The following MAN2C1 variants were observed in gnomAD, a reference collection of about 807,000 sequenced individuals.
MAN2C1 encodes alpha-mannosidase 2C1.
A neutral mutation model predicts 126.9 loss-of-function variants in MAN2C1; 111 were observed. That is an observed-to-expected ratio of 0.87 (90% CI 0.75 to 1.02). The LOEUF (loss-of-function observed/expected upper bound fraction) is 1.02. Among genes scored for constraint, MAN2C1 ranks in the 50% least tolerant of loss-of-function variants. MAN2C1 has a pLI of 0.00. For missense variants in MAN2C1, 1,363 were observed against 1,364.4 expected, an observed-to-expected ratio of 1.00 and a Z score of 0.02; for synonymous variants, 567 against 561.5, an observed-to-expected ratio of 1.01 and a Z score of -0.14.
In MAN2C1 at chr15:75,360,677, G is replaced by A; in HGVS notation, c.1472C>T (p.Ser491Phe). ...TGCTGAGAAGAGCTGTCTTGGAGAA[G>A]ATAGCTGCACCCTGAGGAGACCACA... ...NTDGLPRVQL[S>F]SPRQLFSALE... Residue 491 changes from serine to phenylalanine, a missense_variant, in exon 13 of 26, where the codon TCT becomes TTT. Transcript: ENST00000267978. 1 of 1,613,664 alleles carries A rather than the reference G, an allele frequency of 6.2e-7. No individual in the cohort carries two copies. The highest frequency in any genetic ancestry group is 8.5e-7 in the Non-Finnish European group (1 of 1,179,988).
chr15:75,358,804 C>A lies in MAN2C1; in HGVS notation c.2146G>T (p.Ala716Ser). Residue 716 changes from alanine (A) to serine (S), a missense_variant, in exon 19 of 26, where the codon GCC becomes TCC. Physicochemically the swap from Ala to Ser is moderately conservative, Grantham distance 99 (BLOSUM62 1). This residue lies in a region of MAN2C1 where 668 missense variants were observed against 650.1 expected (regional missense o/e 1.03). Coordinates refer to ENST00000267978, the MANE Select transcript of MAN2C1 (RefSeq NM_006715.4). The stretch of plus-strand genomic sequence containing the variant: ...TTCCCCACGGCGCCCTCAGCAATGG[C>A]CTCCCTGGAAGGACATGGGATTGGT... ...SLVLVASGRE[A>S]IAEGAVGNQF... 1 of 1,612,334 alleles carries A rather than the reference C, an allele frequency of 6.2e-7. No individual in the cohort carries two copies. The highest frequency in any genetic ancestry group is 1.1e-5 in the South Asian group (1 of 90,812).
rs1438386507 is a variant in MAN2C1, at chr15:75,362,805, C to T, written c.791-57G>A. The T allele has an allele frequency of 6.8e-7, 1 of 1,480,286 alleles. No homozygotes were observed. The highest frequency in any genetic ancestry group is 9.4e-7 in the Non-Finnish European group (1 of 1,062,956). The allele number at this position is 1,480,286 out of a possible 1,614,324, so 91.7% of individuals were successfully genotyped here. A position where few individuals can be genotyped will look rare whatever the true frequency, so the allele number is the denominator to read the frequency against. On this transcript the variant is annotated intron_variant, in intron 6 of 25. Transcript: ENST00000267978. This position sits in a 1 kb window ranked among gnomAD's most constrained non-coding sequence, Gnocchi z 4.5. Reference sequence around the variant, plus strand: ...AGCAGCAAGGCTGACCAGGCCTGGGCTGGGACTCCAGAGGGTCACCTAGCC... The same window carrying T: ...AGCAGCAAGGCTGACCAGGCCTGGGTTGGGACTCCAGAGGGTCACCTAGCC...
chr15:75,361,737 T>C lies in MAN2C1; in HGVS notation c.1102-17A>G. Reference sequence around the variant, plus strand: ...CAGCCAGAACTGTGGAGAAAGAGGATCCTGGAGTGCAGGAACCAGAGCTCC... The same window carrying C: ...CAGCCAGAACTGTGGAGAAAGAGGACCCTGGAGTGCAGGAACCAGAGCTCC... On this transcript the variant is annotated splice_polypyrimidine_tract_variant and intron_variant, in intron 9 of 25. Transcript: ENST00000267978. This position sits in a 1 kb window ranked among gnomAD's most constrained non-coding sequence, Gnocchi z 5.0. 6.2e-7 allele frequency: 1 copy of C among 1,608,248 alleles called. No individual in the cohort carries two copies. The highest frequency in any genetic ancestry group is 8.5e-7 in the Non-Finnish European group (1 of 1,174,902).
rs1365353094 is a variant in MAN2C1 at position 75,359,631 on chromosome 15, G to A, written c.1937C>T (p.Ala646Val). 6.2e-7 allele frequency: 1 copy of A among 1,613,984 alleles called. No individual in the cohort carries two copies. Among genetic ancestry groups the A allele is most frequent in the Admixed American group, 1.7e-5 (1 of 60,010 alleles). ...EVMALPKPGG[A>V]HSLALVTVPS... is the part of the protein sequence containing the mutation. ...CCCTCAGCTCGTACCTAGGCTGTGG[G>A]CCCCGCCCGGTTTGGGCAGGGCCAT... The change falls in exon 16 of 26, where the codon GCC (alanine) becomes GTC (valine). Residue 646 changes from alanine (A) to valine (V), a missense_variant. Around this residue, in one of 3 missense-constraint regions of MAN2C1, gnomAD observed 668 missense variants for 650.1 expected, o/e 1.03. Transcript: ENST00000267978.
Position 75,356,016 on chromosome 15 carries a change from G to C in MAN2C1, c.3013C>G (p.Arg1005Gly), listed in dbSNP as rs758917954. 4 of 1,613,804 alleles carry C rather than the reference G, an allele frequency of 2.5e-6. No individual in the cohort carries two copies. The African/African-American group carries it at 5.3e-5, about 22-fold the overall frequency. The change falls in exon 26 of 26, where the codon CGA becomes GGA. Residue 1005 changes from arginine (R) to glycine (G), a missense_variant. By Grantham distance (125) the Arg-to-Gly change is moderately radical. Around this residue, in one of 3 missense-constraint regions of MAN2C1, gnomAD observed 668 missense variants for 650.1 expected, o/e 1.03. Transcript: ENST00000267978. The surrounding 1 kb of genome is among the most constrained non-coding windows in gnomAD (Gnocchi z 5.8). ...GTCAAGTGGCCAGCAGGGTCTGGTC[G>C]CTCCAAGAGATCGCAGCTGGAGAAC... ...QEAILCDLLE[R>G]PDPAGHLTLR...
chr15:75,367,378 G>A, intron 3 of MAN2C1, 133 bp downstream of exon 3: 2 of 1,193,780 alleles, frequency 1.7e-6, no homozygotes, highest in East Asian at 2.4e-5. Flanking sequence ...AACTTCCCTA[G>A]TCCTGAAATC....
At chr15:75,360,902 G>C in intron 12 of MAN2C1, 144 bp downstream of exon 12, 1 of 1,250,118 alleles carries the variant, frequency 8.0e-7, no homozygotes, top group Non-Finnish European at 1.1e-6. Context: ...CCCACCCCCA[G>C]GGTGGAAGTT....
intron 15 of MAN2C1, 52 bp downstream of exon 15, chr15:75,359,851 T>A: frequency 6.2e-7 from 1 of 1,612,176 alleles, no homozygotes; most frequent in Non-Finnish European, 8.5e-7. Flanking sequence ...GGGGACACTC[T>A]GGGCTCAGCC....
In MAN2C1 at chr15:75,364,115, G is replaced by A. The variant is rs1227190304; in HGVS notation, c.674C>T (p.Pro225Leu). ...CACTGGGAAGGTCTCGGGCTGGGCA[G>A]GGTCACACACGTTCACCATCTGATT... ...TANQMVNVCD[P>L]AQPETFPVAQ... The change falls in exon 6 of 26, where the codon CCT becomes CTT. Residue 225 changes from proline to leucine, a missense_variant. Around this residue, in one of 3 missense-constraint regions of MAN2C1, gnomAD observed 628 missense variants for 609.8 expected, o/e 1.03. Coordinates refer to ENST00000267978, the MANE Select transcript of MAN2C1 (RefSeq NM_006715.4). 5 of 1,614,116 alleles carry A rather than the reference G, an allele frequency of 3.1e-6. No homozygotes were observed. In the South Asian group the frequency reaches 3.3e-5, roughly 11 times the overall value.
chr15:75,366,614 G>C (rs769485719), intron 3 of MAN2C1, 22 bp from the exon 4 acceptor site: 1 of 1,585,706 alleles, frequency 6.3e-7, no homozygotes, highest in Non-Finnish European at 8.6e-7. Flanking sequence ...GGGAGTGAGA[G>C]AGACAAGGCT....
In MAN2C1 at chr15:75,359,676, G is replaced by C. The variant is rs1457313849; in HGVS notation, c.1892C>G (p.Pro631Arg). 3.1e-6 allele frequency: 5 copies of C among 1,614,180 alleles called. No individual in the cohort carries two copies. In the Admixed American group the frequency reaches 6.7e-5, roughly 22 times the overall value. ...PEGLLIVNTL[P>R]WKRIEVMALP... ...GGCCATCACTTCGATCCGCTTCCAG[G>C]GCAGTGTGTTGACGATGAGGAGGCC... The change falls in exon 16 of 26, where the codon CCC becomes CGC. Residue 631 changes from proline to arginine, a missense_variant. Around this residue, in one of 3 missense-constraint regions of MAN2C1, gnomAD observed 668 missense variants for 650.1 expected, o/e 1.03. Coordinates refer to ENST00000267978, the MANE Select transcript of MAN2C1 (RefSeq NM_006715.4).
chr15:75,360,741 C>A, intron 12 of MAN2C1, 53 bp from the exon 13 acceptor site: 3 of 1,595,370 alleles, frequency 1.9e-6, no homozygotes, highest in South Asian at 1.1e-5. Context: ...CATGGCTCAC[C>A]CTTCTTCCAC....
chr15:75,359,894 G>C lies in MAN2C1; in HGVS notation c.1792+9C>G. On this transcript the variant is annotated intron_variant, in intron 15 of 25. Coordinates refer to ENST00000267978, the MANE Select transcript of MAN2C1 (RefSeq NM_006715.4). Reference sequence around the variant, plus strand: ...TGGAGAGAGCAGGCAGGACTATTGTGAGCCTAACCTTCATAATGGCACATG... The same window carrying C: ...TGGAGAGAGCAGGCAGGACTATTGTCAGCCTAACCTTCATAATGGCACATG... 1.9e-6 allele frequency: 3 copies of C among 1,611,906 alleles called. No homozygotes were observed. The African/African-American group carries it at 4.0e-5, about 21-fold the overall frequency.
rs2072466389 is a variant in MAN2C1 at position 75,361,399 on chromosome 15, G to C, written c.1219-18C>G. ...GTATGGTGCTACCAGCAGGGAAACA[G>C]AAGCAGGGCAGAGAGGCCAGAGTCA... On this transcript the variant is annotated intron_variant, in intron 10 of 25. Transcript: ENST00000267978. This position sits in a 1 kb window ranked among gnomAD's most constrained non-coding sequence, Gnocchi z 5.0. The C allele has an allele frequency of 6.5e-7, 1 of 1,548,618 alleles. No homozygotes were observed. The highest frequency in any genetic ancestry group is 1.4e-5 in the African/African-American group (1 of 73,372).
chr15:75,363,978 C>A (rs1397991449), intron 6 of MAN2C1, 21 bp downstream of exon 6: 1 of 1,611,558 alleles, frequency 6.2e-7, no homozygotes, highest in East Asian at 2.2e-5. Context: ...CCCCAGCCAG[C>A]CCAACCAGCT....
chr15:75,357,527 T>C (rs986165695), intron 21 of MAN2C1, among the ~76,000 whole-genome samples: 3 of 152,126 alleles, frequency 2.0e-5, no homozygotes, highest in African/African-American at 7.2e-5. Context: ...TATGATGGTC[T>C]CGATCTCTTG....
chr15:75,361,756 G>C lies in MAN2C1; in HGVS notation c.1102-36C>G. 1 of 1,599,858 alleles carries C rather than the reference G, an allele frequency of 6.3e-7. No homozygotes were observed. Among genetic ancestry groups the C allele is most frequent in the Non-Finnish European group, 8.6e-7 (1 of 1,167,284 alleles). On this transcript the variant is annotated intron_variant, in intron 9 of 25. Transcript: ENST00000267978. The surrounding 1 kb of genome is among the most constrained non-coding windows in gnomAD (Gnocchi z 5.0). ...AGAGGATCCTGGAGTGCAGGAACCA[G>C]AGCTCCAGGCGGACTCACCCCAGCC...
intron 6 of MAN2C1, 119 bp downstream of exon 6, chr15:75,363,879 GA>G: frequency 9.1e-7 from 1 of 1,104,676 alleles, no homozygotes. Flanking sequence ...TACAGACGGG[GA>G]AAACGCAGGT....
Position 75,356,682 on chromosome 15 carries a change from C to A in MAN2C1, c.2661G>T (p.Leu887Phe). Residue 887 changes from leucine to phenylalanine, a missense_variant, in exon 23 of 26, where the codon TTG (leucine) becomes TTT (phenylalanine). Around this residue, in one of 3 missense-constraint regions of MAN2C1, gnomAD observed 668 missense variants for 650.1 expected, o/e 1.03. Coordinates refer to ENST00000267978, the MANE Select transcript of MAN2C1 (RefSeq NM_006715.4). This position sits in a 1 kb window ranked among gnomAD's most constrained non-coding sequence, Gnocchi z 5.8. Reference protein sequence around the residue: ...VRGSILSLSLLRAPKAPDATA... With the variant: ...VRGSILSLSLFRAPKAPDATA... ...TAGCGTCCGGGGCTTTAGGCGCCCG[C>A]AAGCTGGGGTGAGGAGGGCGCGTAG... 1 of 1,596,864 alleles carries A rather than the reference C, an allele frequency of 6.3e-7. No individual in the cohort carries two copies. The highest frequency in any genetic ancestry group is 8.5e-7 in the Non-Finnish European group (1 of 1,172,108).
Sources: gnomAD v4.1 joint callset for allele counts (sites outside exome capture counted in the v4.1 genomes callset) on GRCh38, gnomAD v4.1.1 for gene constraint, gnomAD v4.1.1 regional missense constraint, Gnocchi (gnomAD v3.1) non-coding constraint, MANE v1.5 for transcripts, NCBI Gene and HGNC (gene_info 2026-07-23, HGNC 2026-07-21) for gene names.